LRP1: variants seen among roughly 807,000 people sequenced by gnomAD.
The protein encoded by LRP1 is prolow-density lipoprotein receptor-related protein 1.
LRP1 carries 51 observed loss-of-function variants against 541.5 expected under a neutral mutation model. The ratio of observed to expected loss-of-function variants is 0.09; its 90% CI spans 0.08 to 0.12. The LOEUF (loss-of-function observed/expected upper bound fraction) is 0.12, where lower values mean the gene tolerates loss of function less well. Among genes scored for constraint, LRP1 ranks in the 10% least tolerant of loss-of-function variants. LRP1 has a pLI of 1.00. For synonymous variants in LRP1, 2,219 were observed against 2,470.8 expected, an observed-to-expected ratio of 0.90 and a Z score of 3.02; for missense variants, 3,878 against 6,376.2, an observed-to-expected ratio of 0.61 and a Z score of 13.34.
chr12:57,152,030 G>A (rs1290090225), intron 6 of LRP1, among the ~76,000 whole-genome samples: 1 of 152,166 alleles, frequency 6.6e-6, no homozygotes, highest in African/African-American at 2.4e-5. Flanking sequence ...CTTTGGGGAG[G>A]TGGAAGGGAG....
intron 1 of LRP1, among the ~76,000 whole-genome samples, chr12:57,134,743 T>C (rs973075095): frequency 3.9e-5 from 6 of 152,006 alleles, no homozygotes; most frequent in African/African-American, 9.7e-5. Context: ...CTCGCTCTGT[T>C]GCCCAGGCTG....
rs1352286359 is a variant in LRP1, at chr12:57,154,847, G to A, written c.1227+146G>A. ...CAGGCCTCTAGTGGGAGTGGGGTGGGCTTGAATACTGCAGAGAAAGGACAA... is the reference window on the plus strand; with the variant it reads ...CAGGCCTCTAGTGGGAGTGGGGTGGACTTGAATACTGCAGAGAAAGGACAA... On this transcript the variant is annotated intron_variant, in intron 8 of 88. Transcript: ENST00000243077. The surrounding 1 kb of genome is among the most constrained non-coding windows in gnomAD (Gnocchi z 4.6). 5.5e-6 allele frequency: 4 copies of A among 722,654 alleles called. No homozygotes were observed. In the East Asian group the frequency reaches 1.1e-4, roughly 19 times the overall value. 44.8% of individuals were successfully genotyped at this position (722,654 alleles called of 1,614,324 possible). A position where few individuals can be genotyped will look rare whatever the true frequency, so the allele number is the denominator to read the frequency against.
chr12:57,181,321 T>C (rs1167073900), intron 34 of LRP1, 30 bp downstream of exon 34: 1 of 1,596,218 alleles, frequency 6.3e-7, no homozygotes. Flanking sequence ...CCCAGCCTTG[T>C]CCCAGCTCCC....
At chr12:57,163,352 G>T (rs2035775943) in intron 15 of LRP1, among the ~76,000 whole-genome samples, 1 of 152,290 alleles carries the variant, frequency 6.6e-6, no homozygotes, top group Admixed American at 6.5e-5. Flanking sequence ...GCCAAGGCAG[G>T]CTGATCACTT....
chr12:57,187,531 C>G, intron 42 of LRP1, 75 bp downstream of exon 42: 1 of 1,452,000 alleles, frequency 6.9e-7, no homozygotes, highest in South Asian at 1.3e-5. Context: ...CAGGCAGATC[C>G]AAGCGGGGGT....
Position 57,185,111 on chromosome 12 carries a change from G to T in LRP1, c.6369G>T (p.Gly2123=). ...RTHANGSIKR[G]SKDNATDSVP... ...ATGCCAACGGCTCTATCAAGCGCGG[G>T]AGCAAAGACAATGCCACAGACTCCG... The change falls in exon 40 of 89, where the codon GGG becomes GGT. Residue 2123 remains glycine (G), a synonymous_variant. Transcript: ENST00000243077. This position sits in a 1 kb window ranked among gnomAD's most constrained non-coding sequence, Gnocchi z 4.9. 6.2e-7 allele frequency: 1 copy of T among 1,614,144 alleles called. No individual in the cohort carries two copies. Among genetic ancestry groups the T allele is most frequent in the South Asian group, 1.1e-5 (1 of 91,068 alleles).
Position 57,197,672 on chromosome 12 carries a change from G to T in LRP1, c.9282+8G>T, listed in dbSNP as rs368319613. 10 of 1,611,926 alleles carry T rather than the reference G, an allele frequency of 6.2e-6. No individual in the cohort carries two copies. The African/African-American group carries it at 8.0e-5, about 13-fold the overall frequency. On this transcript the variant is annotated splice_region_variant and intron_variant, in intron 58 of 88. Coordinates refer to ENST00000243077, the MANE Select transcript of LRP1 (RefSeq NM_002332.3). This position sits in a 1 kb window ranked among gnomAD's most constrained non-coding sequence, Gnocchi z 4.5. ...AACGGGAGCAATGTGCAGGTGAGGC[G>T]GGCGGCCCTCGGCGACCAACACTGG... is the stretch of plus-strand genomic sequence containing the variant.
At chr12:57,198,801 C>G in intron 60 of LRP1, 131 bp downstream of exon 60, 2 of 919,484 alleles carry the variant, frequency 2.2e-6, no homozygotes, top group Non-Finnish European at 3.3e-6. Flanking sequence ...GGACACCACT[C>G]ACTGGGGTGT....
chr12:57,169,432 G>A, intron 20 of LRP1, 125 bp downstream of exon 20: 1 of 935,814 alleles, frequency 1.1e-6, no homozygotes, highest in Non-Finnish European at 1.6e-6. Context: ...AGGTAGCCTA[G>A]GCATGGCTCT....
intron 52 of LRP1, 47 bp from the exon 53 acceptor site, chr12:57,195,611 C>T: frequency 6.2e-7 from 1 of 1,613,282 alleles, no homozygotes; most frequent in Non-Finnish European, 8.5e-7. Context: ...GGACGGTCGG[C>T]CGCTGGCCAG....
rs1258045586 is a variant in LRP1 at position 57,201,458 on chromosome 12, G to T, written c.10346-39G>T. 4.4e-6 allele frequency: 7 copies of T among 1,582,390 alleles called. No individual in the cohort carries two copies. The African/African-American group carries it at 9.4e-5, about 21-fold the overall frequency. ...CAGTGATGGTGAACTGGAGTGGCAG[G>T]TGTAAGGGAGGGCCCTCATTCTCTT... is the stretch of plus-strand genomic sequence containing the variant. On this transcript the variant is annotated intron_variant, in intron 65 of 88. Transcript: ENST00000243077. This position sits in a 1 kb window ranked among gnomAD's most constrained non-coding sequence, Gnocchi z 6.4.
intron 6 of LRP1, among the ~76,000 whole-genome samples, chr12:57,148,047 G>A (rs920208908): frequency 8.5e-5 from 13 of 152,252 alleles, no homozygotes; most frequent in Non-Finnish European, 1.3e-4. Flanking sequence ...GGTGAGAGCC[G>A]GAAGAGAAGG....
At position 57,211,400 on chromosome 12, in the gene LRP1, T is replaced by TCCTAGCCCTGCCCTGC; in HGVS notation, c.13091+53_13091+68dup. Reference sequence around the variant, plus strand: ...TCCACCCAGCTGGGCCCCTGCCCTGTCCTAGCCCTGCCCTGCCCCTCCCTT... The same window carrying TCCTAGCCCTGCCCTGC: ...TCCACCCAGCTGGGCCCCTGCCCTGTCCTAGCCCTGCCCTGCCCTAGCCCTGCCCTGCCCCTCCCTT... On this transcript the variant is annotated intron_variant, in intron 84 of 88. Transcript: ENST00000243077. This position sits in a 1 kb window ranked among gnomAD's most constrained non-coding sequence, Gnocchi z 4.3. The TCCTAGCCCTGCCCTGC allele has an allele frequency of 1.9e-6, 3 of 1,610,052 alleles. No homozygotes were observed. The highest frequency in any genetic ancestry group is 2.2e-5 in the South Asian group (2 of 90,990).
intron 19 of LRP1, 64 bp from the exon 20 acceptor site, chr12:57,169,076 G>A (rs1373006504): frequency 1.3e-6 from 2 of 1,482,120 alleles, no homozygotes; most frequent in South Asian, 1.2e-5. Flanking sequence ...CCCAAGCTGG[G>A]ATCACAGAGA....
chr12:57,184,258 C>T lies in LRP1; in HGVS notation c.6059+44C>T, dbSNP rs2036224069. 1.9e-6 allele frequency: 3 copies of T among 1,613,536 alleles called. No individual in the cohort carries two copies. The highest frequency in any genetic ancestry group is 1.7e-5 in the Admixed American group (1 of 60,002). ...TGGCCTTGTCATTCTGCCCATGGCC[C>T]ATGCTGATGAGGCCCTGTCTCCTCC... On this transcript the variant is annotated intron_variant, in intron 37 of 88. Coordinates refer to ENST00000243077, the MANE Select transcript of LRP1 (RefSeq NM_002332.3). This position sits in a 1 kb window ranked among gnomAD's most constrained non-coding sequence, Gnocchi z 7.8.
At chr12:57,136,229 C>T (rs1013386398) in intron 1 of LRP1, among the ~76,000 whole-genome samples, 4 of 152,076 alleles carry the variant, frequency 2.6e-5, no homozygotes, top group Non-Finnish European at 4.4e-5. Flanking sequence ...GGGTGGGGGC[C>T]AGGGGAGGGA....
In LRP1 at chr12:57,204,401, T is replaced by G; in HGVS notation, c.10952-9T>G. On this transcript the variant is annotated splice_polypyrimidine_tract_variant and intron_variant, in intron 70 of 88. Coordinates refer to ENST00000243077, the MANE Select transcript of LRP1 (RefSeq NM_002332.3). This position sits in a 1 kb window ranked among gnomAD's most constrained non-coding sequence, Gnocchi z 5.3. ...GCTCATTCTATCTCTTGGCTCCCCC[T>G]GGCACCAGTGCGGACCTGCCCCCTG... is the stretch of plus-strand genomic sequence containing the variant. 1 of 1,518,912 alleles carries G rather than the reference T, an allele frequency of 6.6e-7. No homozygotes were observed. The allele number at this position is 1,518,912 out of a possible 1,614,324, so 94.1% of individuals were successfully genotyped here.
rs757090554 is a variant in LRP1, at chr12:57,197,358, G to A, written c.9136G>A (p.Gly3046Arg). The change falls in exon 57 of 89, where the codon GGG (glycine) becomes AGG (arginine). Residue 3046 changes from glycine (G) to arginine (R), a missense_variant. Gly to Arg is a moderately radical substitution (Grantham distance 125, BLOSUM62 -2). Coordinates refer to ENST00000243077, the MANE Select transcript of LRP1 (RefSeq NM_002332.3). The surrounding 1 kb of genome is among the most constrained non-coding windows in gnomAD (Gnocchi z 4.5). ...CTACCTGCGCAAGCTCAACCTGGAC[G>A]GGTCCAACTACACGTTACTTAAGCA... ...RYYLRKLNLDGSNYTLLKQGL... is the reference protein window; with the variant it reads ...RYYLRKLNLDRSNYTLLKQGL... 7.4e-6 allele frequency: 12 copies of A among 1,613,614 alleles called. No homozygotes were observed. The highest frequency in any genetic ancestry group is 9.3e-6 in the Non-Finnish European group (11 of 1,179,768).
chr12:57,151,400 C>T (rs1309464976), intron 6 of LRP1, among the ~76,000 whole-genome samples: 1 of 152,174 alleles, frequency 6.6e-6, no homozygotes, highest in Non-Finnish European at 1.5e-5. Context: ...GAATCCCCTG[C>T]CCCTCTGCCC....
Sources: gnomAD v4.1 joint callset for allele counts (sites outside exome capture counted in the v4.1 genomes callset) on GRCh38, gnomAD v4.1.1 for gene constraint, Gnocchi (gnomAD v3.1) non-coding constraint, MANE v1.5 for transcripts, NCBI Gene and HGNC (gene_info 2026-07-23, HGNC 2026-07-21) for gene names.